ATP8A2: variants seen among roughly 807,000 people sequenced by gnomAD.
The protein encoded by ATP8A2 is ATPase phospholipid transporting 8A2.
In ATP8A2, 100 loss-of-function variants were observed where a neutral mutation model predicts 165.6. The observed-to-expected ratio is 0.60, with a 90% CI of 0.51 to 0.71. ATP8A2 has a LOEUF of 0.71. ATP8A2 is among the 30% of genes least tolerant of loss of function. The probability of loss-of-function intolerance (pLI) is 0.00; values close to 1 mark genes in which losing one functional copy is unlikely to be tolerated. For missense variants in ATP8A2, 1,227 were observed against 1,479.5 expected (o/e 0.83, Z 2.80); for synonymous variants, 543 against 548.8 (o/e 0.99, Z 0.15).
At chr13:25,837,426 CA>C (rs141990657) in intron 29 of ATP8A2, 141 bp downstream of exon 29, 142 of 11,092 alleles carry the variant, frequency 0.013, 2 homozygotes, top group South Asian at 0.07. Context: ...CCCACCACCA[CA>C]CACACACACA....
At chr13:25,747,494 C>T (rs2044058413) in intron 25 of ATP8A2, among the ~76,000 whole-genome samples, 1 of 152,176 alleles carries the variant, frequency 6.6e-6, no homozygotes, top group South Asian at 2.1e-4. Flanking sequence ...TGTTTCATGT[C>T]TTCCACATAC....
chr13:25,924,500 G>A (rs1426303644), intron 33 of ATP8A2, among the ~76,000 whole-genome samples: 1 of 151,894 alleles, frequency 6.6e-6, no homozygotes, highest in African/African-American at 2.4e-5. Context: ...GTCCAAATTT[G>A]CCCTTTTTAT....
chr13:25,409,167 AGCCCTGGTACAT>A (rs1313003638), intron 1 of ATP8A2, among the ~76,000 whole-genome samples: 1 of 152,180 alleles, frequency 6.6e-6, no homozygotes, highest in Non-Finnish European at 1.5e-5. Flanking sequence ...ATCTCTTCTC[AGCCCTGGTACAT>A]GCTGTCTACT....
intron 2 of ATP8A2, among the ~76,000 whole-genome samples, chr13:25,491,002 C>T (rs139793659): frequency 2.0e-5 from 3 of 152,138 alleles, no homozygotes; most frequent in African/African-American, 7.2e-5. Flanking sequence ...ACCTCAGCCT[C>T]CCAAGTTGCT....
At chr13:25,772,739 T>TTAATTA (rs774652617) in intron 26 of ATP8A2, among the ~76,000 whole-genome samples, 105 of 147,900 alleles carry the variant, frequency 7.1e-4, no homozygotes, top group Middle Eastern at 3.4e-3. Context: ...TTAATTAATT[T>TTAATTA]ATTTATTTAT....
chr13:25,758,989 A>C (rs556314133), intron 25 of ATP8A2, among the ~76,000 whole-genome samples: 133 of 152,170 alleles, frequency 8.7e-4, no homozygotes, highest in African/African-American at 3.1e-3. Flanking sequence ...AGAGAGAGAA[A>C]GAGAGAGAGA....
chr13:25,640,212 A>G (rs1466099409), intron 24 of ATP8A2, among the ~76,000 whole-genome samples: 1 of 152,170 alleles, frequency 6.6e-6, no homozygotes, highest in African/African-American at 2.4e-5. Flanking sequence ...ACAAGAGCAA[A>G]CACATTCAAA....
intron 33 of ATP8A2, among the ~76,000 whole-genome samples, chr13:25,887,480 A>C (rs1305973748): frequency 6.6e-6 from 1 of 152,148 alleles, no homozygotes; most frequent in East Asian, 1.9e-4. Flanking sequence ...CTGGGATTAC[A>C]GGCGTCGGCC....
chr13:25,547,770 C>G (rs1235776946), intron 10 of ATP8A2, among the ~76,000 whole-genome samples: 1 of 152,122 alleles, frequency 6.6e-6, no homozygotes, highest in Admixed American at 6.5e-5. Flanking sequence ...GCCTGTTTCT[C>G]AGGAGGGAAT....
At chr13:25,888,067 G>GGCCC (rs1194275008) in intron 33 of ATP8A2, among the ~76,000 whole-genome samples, 2 of 107,778 alleles carry the variant, frequency 1.9e-5, no homozygotes, top group African/African-American at 3.3e-5. Flanking sequence ...AAAGAACCCA[G>GGCCC]ACCCCCCCCC....
intron 1 of ATP8A2, among the ~76,000 whole-genome samples, chr13:25,442,959 T>A (rs2034972583): frequency 6.6e-6 from 1 of 152,208 alleles, no homozygotes; most frequent in Non-Finnish European, 1.5e-5. Flanking sequence ...CTTTATCAGA[T>A]GTGGGATTTG....
At chr13:25,579,705 C>T in intron 21 of ATP8A2, 103 bp from the exon 22 acceptor site, 1 of 1,329,666 alleles carries the variant, frequency 7.5e-7, no homozygotes, top group Admixed American at 1.8e-5. Flanking sequence ...AGCACAGAGT[C>T]TCTTCAATTT....
At chr13:25,616,257 C>T (rs952441266) in intron 24 of ATP8A2, among the ~76,000 whole-genome samples, 3 of 151,886 alleles carry the variant, frequency 2.0e-5, no homozygotes, top group Admixed American at 6.6e-5. Context: ...TTCCTAGATG[C>T]ATAAATACGA....
In ATP8A2 at chr13:25,939,437, G is replaced by A. The variant is rs141082887; in HGVS notation, c.3184-22138G>A. ...GCACAGGACCAGGACGGAGGAGTCC[G>A]CAGCCTCCCTGAATCATTGCTCAGG... On this transcript the variant is annotated intron_variant, in intron 33 of 36. Coordinates refer to ENST00000381655, the MANE Select transcript of ATP8A2 (RefSeq NM_016529.6). 2.6e-3 allele frequency among the ~76,000 whole-genome samples: 403 copies of A among 152,254 alleles called. 2 individuals are homozygous for A. The highest frequency in any genetic ancestry group is 9.3e-3 in the African/African-American group (388 of 41,546).
intron 25 of ATP8A2, among the ~76,000 whole-genome samples, chr13:25,724,178 G>GT (rs1408790052): frequency 2.6e-5 from 4 of 152,184 alleles, no homozygotes; most frequent in African/African-American, 9.6e-5. Flanking sequence ...AAGAAAACCA[G>GT]TTATAATTTG....
chr13:25,851,353 G>A (rs946955863), intron 30 of ATP8A2, among the ~76,000 whole-genome samples: 5 of 152,078 alleles, frequency 3.3e-5, no homozygotes, highest in East Asian at 3.9e-4. Flanking sequence ...AGGCCAAGGC[G>A]GGCAGATCAC....
chr13:25,434,389 C>T lies in ATP8A2; in HGVS notation c.77-34588C>T, dbSNP rs112189593. ...TTTGAGACAATGTCTCTCTGTGTTG[C>T]GCAGGTTGGAGTGCAAAGGCGTTAT... On this transcript the variant is annotated intron_variant, in intron 1 of 36. Coordinates refer to ENST00000381655, the MANE Select transcript of ATP8A2 (RefSeq NM_016529.6). Among the ~76,000 whole-genome samples, 57 of 151,914 alleles carry T rather than the reference C, an allele frequency of 3.8e-4. 1 individual carries two copies. Among genetic ancestry groups the T allele is most frequent in the African/African-American group, 1.2e-3 (51 of 41,406 alleles).
chr13:25,415,785 C>G (rs1247254823), intron 1 of ATP8A2, among the ~76,000 whole-genome samples: 1 of 152,144 alleles, frequency 6.6e-6, no homozygotes, highest in African/African-American at 2.4e-5. Context: ...ACTTGGCCTC[C>G]ACATCTAAAG....
chr13:25,683,074 A>C (rs1003597960), intron 24 of ATP8A2, among the ~76,000 whole-genome samples: 1 of 152,370 alleles, frequency 6.6e-6, no homozygotes, highest in Middle Eastern at 3.4e-3. Context: ...ATTGCATTTG[A>C]TAAGATATAC....
Sources: gnomAD v4.1 joint callset for allele counts (sites outside exome capture counted in the v4.1 genomes callset) on GRCh38, gnomAD v4.1.1 for gene constraint, MANE v1.5 for transcripts, NCBI Gene and HGNC (gene_info 2026-07-23, HGNC 2026-07-21) for gene names.